The following CECR2 variants were observed in gnomAD, a reference collection of about 807,000 sequenced individuals.
CECR2 encodes the protein chromatin remodeling regulator CECR2.
CECR2 carries 30 observed loss-of-function variants against 154.5 expected under a neutral mutation model. That is an observed-to-expected ratio of 0.19 (90% CI 0.15 to 0.26). The LOEUF is 0.26. CECR2 is among the 10% of genes least tolerant of loss of function. CECR2 has a pLI of 1.00. For synonymous variants in CECR2, 725 were observed against 683.7 expected (o/e 1.06, Z -0.94); for missense variants, 1,743 against 1,829.3 (o/e 0.95, Z 0.86).
chr22:17,497,602 G>A lies in CECR2; in HGVS notation c.405+16G>A, dbSNP rs774376370. ...TCTTCTAAAGGTATGCTTAACTGGC[G>A]AACCTTTCCCTGTAGCTGTGAAAAG... On this transcript the variant is annotated intron_variant, in intron 3 of 18. Transcript: ENST00000262608. 8 of 1,609,966 alleles carry A rather than the reference G, an allele frequency of 5.0e-6. No individual in the cohort carries two copies. The highest frequency in any genetic ancestry group is 4.5e-5 in the East Asian group (2 of 44,854).
chr22:17,470,039 G>A (rs910594322), intron 1 of CECR2, among the ~76,000 whole-genome samples: 2 of 152,250 alleles, frequency 1.3e-5, no homozygotes, highest in African/African-American at 4.8e-5. Flanking sequence ...CTTTCTGCTC[G>A]TGTGGCTTCC....
At chr22:17,489,204 A>T (rs1489117414) in intron 2 of CECR2, among the ~76,000 whole-genome samples, 1 of 152,230 alleles carries the variant, frequency 6.6e-6, no homozygotes, top group Admixed American at 6.5e-5. Context: ...AAGTACTGGG[A>T]TTACAGGCAT....
chr22:17,445,980 C>T (rs2054655644), intron 1 of CECR2, among the ~76,000 whole-genome samples: 1 of 152,030 alleles, frequency 6.6e-6, no homozygotes, highest in African/African-American at 2.4e-5. Context: ...TGTATTATTC[C>T]CGAATGTTTT....
chr22:17,380,847 C>T (rs1418709204), intron 1 of CECR2, among the ~76,000 whole-genome samples: 1 of 152,168 alleles, frequency 6.6e-6, no homozygotes, highest in Admixed American at 6.5e-5. Flanking sequence ...TGGCCGGTTC[C>T]TTTTAATGAA....
chr22:17,498,866 G>A (rs920689574), intron 3 of CECR2, among the ~76,000 whole-genome samples: 6 of 152,222 alleles, frequency 3.9e-5, no homozygotes, highest in Non-Finnish European at 7.3e-5. Flanking sequence ...CAATGGTGGG[G>A]ATAGGGAGCA....
intron 6 of CECR2, among the ~76,000 whole-genome samples, 187 bp from the exon 7 acceptor site, chr22:17,504,660 C>G: frequency 6.6e-6 from 1 of 151,050 alleles, no homozygotes; most frequent in East Asian, 2.0e-4. Flanking sequence ...CCAGGATGGT[C>G]TCGATCTCCT....
chr22:17,500,553 C>A, intron 4 of CECR2, 78 bp from the exon 5 acceptor site: 2 of 1,074,300 alleles, frequency 1.9e-6, no homozygotes, highest in Non-Finnish European at 2.7e-6. Context: ...AATCTCATGG[C>A]CAGAAATACT....
chr22:17,544,773 G>A (rs1292360547), intron 16 of CECR2, among the ~76,000 whole-genome samples: 1 of 120,856 alleles, frequency 8.3e-6, no homozygotes, highest in African/African-American at 3.2e-5. Context: ...TTACACCACT[G>A]CACTCCAGCC....
chr22:17,370,878 T>G (rs2063052417), intron 1 of CECR2, among the ~76,000 whole-genome samples: 1 of 152,216 alleles, frequency 6.6e-6, no homozygotes, highest in Non-Finnish European at 1.5e-5. Context: ...TTGCCTTCTC[T>G]TCTATGGCAA....
At chr22:17,367,790 G>T (rs150646679), upstream of CECR2, among the ~76,000 whole-genome samples, 828 of 152,316 alleles carry the variant, frequency 5.4e-3, 6 homozygotes, top group African/African-American at 0.018. Context: ...ACAATTCCGG[G>T]GTGGCCTGTG....
chr22:17,441,401 C>A (rs1018677278), intron 1 of CECR2, among the ~76,000 whole-genome samples: 4 of 152,200 alleles, frequency 2.6e-5, no homozygotes, highest in Non-Finnish European at 5.9e-5. Context: ...GGCTGATAAT[C>A]TTAACACAGA....
At chr22:17,512,723 AAG>A (rs1555923301) in intron 8 of CECR2, among the ~76,000 whole-genome samples, 1 of 126,598 alleles carries the variant, frequency 7.9e-6, no homozygotes, top group Non-Finnish European at 1.5e-5. Context: ...AAAAAAAAAA[AAG>A]AAAGAAAGAA....
chr22:17,458,593 G>A (rs5746406), intron 1 of CECR2, among the ~76,000 whole-genome samples: 19,994 of 151,694 alleles, frequency 0.13, 1,667 homozygotes, highest in East Asian at 0.37. Flanking sequence ...TGGGATTTCC[G>A]TATACAGTGT....
At chr22:17,385,854 G>A (rs576756215) in intron 1 of CECR2, among the ~76,000 whole-genome samples, 61 of 152,354 alleles carry the variant, frequency 4.0e-4, no homozygotes, top group African/African-American at 1.4e-3. Context: ...GATGGTAGTG[G>A]TAACAGGAAA....
At chr22:17,525,168 C>G (rs886408040) in intron 9 of CECR2, among the ~76,000 whole-genome samples, 3 of 149,786 alleles carry the variant, frequency 2.0e-5, no homozygotes, top group Non-Finnish European at 3.0e-5. Flanking sequence ...GCCTGTAATG[C>G]CAGCTACTCA....
At chr22:17,484,644 T>C (rs982051342) in intron 2 of CECR2, among the ~76,000 whole-genome samples, 1 of 152,206 alleles carries the variant, frequency 6.6e-6, no homozygotes, top group African/African-American at 2.4e-5. Context: ...CTCAAGCCTG[T>C]AATCCCAGCA....
At chr22:17,499,720 T>A (rs1318419190) in intron 4 of CECR2, among the ~76,000 whole-genome samples, 171 bp downstream of exon 4, 1 of 152,202 alleles carries the variant, frequency 6.6e-6, no homozygotes, top group East Asian at 1.9e-4. Context: ...AGGAATTAAT[T>A]CTCTGCTACC....
chr22:17,556,617 T>G lies in CECR2; in HGVS notation c.*3777T>G, dbSNP rs1349597090. The G allele has an allele frequency of 6.6e-6, 1 of 152,154 alleles. No homozygotes were observed. The highest frequency in any genetic ancestry group is 1.5e-5 in the Non-Finnish European group (1 of 68,022). 9.4% of individuals were successfully genotyped at this position (152,154 alleles called of 1,614,324 possible). On this transcript the variant is annotated 3_prime_UTR_variant, in exon 19 of 19. Transcript: ENST00000262608. The stretch of plus-strand genomic sequence containing the variant: ...TAAATACTACACTGCTCTTAAGACC[T>G]GATTTGAAATTTCACAGGAAGGCCT...
At position 17,526,911 on chromosome 22, in the gene CECR2, A is replaced by G. The variant is rs1418587856; in HGVS notation, c.1108+2640A>G. On this transcript the variant is annotated intron_variant, in intron 9 of 18. Coordinates refer to ENST00000262608, the MANE Select transcript of CECR2 (RefSeq NM_001290047.2). The stretch of plus-strand genomic sequence containing the variant: ...ACCCTCTAGGACATTGATTTCAAGC[A>G]CAGGCACCCAAAGCAAAAATGGACA... 1.3e-5 allele frequency among the ~76,000 whole-genome samples: 2 copies of G among 152,196 alleles called. 1 individual carries two copies. The highest frequency in any genetic ancestry group is 3.9e-4 in the East Asian group (2 of 5,184).
Sources: gnomAD v4.1 joint callset for allele counts (sites outside exome capture counted in the v4.1 genomes callset) on GRCh38, gnomAD v4.1.1 for gene constraint, MANE v1.5 for transcripts, NCBI Gene and HGNC (gene_info 2026-07-23, HGNC 2026-07-21) for gene names.